The following XRCC5 variants were observed in gnomAD, a reference collection of about 807,000 sequenced individuals.
XRCC5 encodes DNA repair protein Ku80.
XRCC5 carries 12 observed loss-of-function variants against 95.7 expected under a neutral mutation model. That is an observed-to-expected ratio of 0.13 (90% confidence interval 0.08 to 0.20). The LOEUF (loss-of-function observed/expected upper bound fraction) is 0.20. Ranked by LOEUF, XRCC5 falls within the 10% of genes least tolerant of loss-of-function variation. XRCC5 has a pLI of 1.00. For synonymous variants in XRCC5, 281 were observed against 290.3 expected, an observed-to-expected ratio of 0.97 and a Z score of 0.33; for missense variants, 595 against 873.9, an observed-to-expected ratio of 0.68 and a Z score of 4.02.
At chr2:216,179,127 A>G (rs1288223165) in intron 16 of XRCC5, among the ~76,000 whole-genome samples, 4 of 152,186 alleles carry the variant, frequency 2.6e-5, no homozygotes, top group Non-Finnish European at 5.9e-5. Flanking sequence ...AAATCACAGG[A>G]CTGCTTCCTT....
intron 16 of XRCC5, among the ~76,000 whole-genome samples, chr2:216,184,099 A>G (rs963389408): frequency 6.7e-6 from 1 of 150,042 alleles, no homozygotes; most frequent in Admixed American, 6.6e-5. Context: ...TATTTAAGAT[A>G]CCTTCTTTTT....
At chr2:216,187,072 TCTGGGTAGAGGGACAGAATTTAGAA>T (rs1689506810) in intron 16 of XRCC5, among the ~76,000 whole-genome samples, 1 of 152,134 alleles carries the variant, frequency 6.6e-6, no homozygotes, top group South Asian at 2.1e-4. Flanking sequence ...ACAAAAGTAG[TCTGGGTAGAGGGACAGAATTTAGAA>T]TCATGGACCA....
intron 14 of XRCC5, 115 bp from the exon 15 acceptor site, chr2:216,159,953 C>A: frequency 1.7e-6 from 1 of 584,564 alleles, no homozygotes; most frequent in Non-Finnish European, 2.8e-6. Flanking sequence ...CATTATTTTT[C>A]TTTTCTTCTT....
intron 5 of XRCC5, among the ~76,000 whole-genome samples, chr2:216,120,462 A>T (rs974694378): frequency 8.5e-5 from 13 of 152,192 alleles, no homozygotes; most frequent in African/African-American, 3.1e-4. Flanking sequence ...CCTCCAGCAT[A>T]CAAAGTAGAG....
chr2:216,189,550 C>T (rs1689575434), intron 16 of XRCC5, among the ~76,000 whole-genome samples: 1 of 152,180 alleles, frequency 6.6e-6, no homozygotes, highest in South Asian at 2.1e-4. Flanking sequence ...TTTTCTCTTT[C>T]TGTAGCATTT....
At chr2:216,168,661 A>G (rs898672991) in intron 16 of XRCC5, among the ~76,000 whole-genome samples, 1 of 152,236 alleles carries the variant, frequency 6.6e-6, no homozygotes, top group Non-Finnish European at 1.5e-5. Context: ...TAGCATAAAA[A>G]TGAAAGCATG....
chr2:216,124,650 G>A (rs941261913), intron 6 of XRCC5, among the ~76,000 whole-genome samples: 1 of 152,162 alleles, frequency 6.6e-6, no homozygotes, highest in Non-Finnish European at 1.5e-5. Context: ...AATTATTTCT[G>A]AAAATTGGAG....
At position 216,119,263 on chromosome 2, in the gene XRCC5, G is replaced by A. The variant is rs1364311265; in HGVS notation, c.491+98G>A. 1.5e-5 allele frequency: 21 copies of A among 1,360,894 alleles called. No individual in the cohort carries two copies. The East Asian group carries it at 2.6e-4, about 17-fold the overall frequency. The allele number at this position is 1,360,894 out of a possible 1,614,324, so 84.3% of individuals were successfully genotyped here. A position where few individuals can be genotyped will look rare whatever the true frequency, so the allele number is the denominator to read the frequency against. On this transcript the variant is annotated intron_variant, in intron 5 of 20. Coordinates refer to ENST00000392132, the MANE Select transcript of XRCC5 (RefSeq NM_021141.4). The stretch of plus-strand genomic sequence containing the variant: ...GAGTACTTGGTTTATGGGAATTTTC[G>A]CTTTCTGCTCCAAGGCTGAATCTGT...
chr2:216,177,342 T>C (rs1318515458), intron 16 of XRCC5, among the ~76,000 whole-genome samples: 1 of 152,216 alleles, frequency 6.6e-6, no homozygotes, highest in East Asian at 1.9e-4. Flanking sequence ...CTCACCTAGC[T>C]AAACCAGCTT....
intron 16 of XRCC5, among the ~76,000 whole-genome samples, chr2:216,187,840 C>CTCTT: frequency 7.4e-6 from 1 of 135,886 alleles, no homozygotes; most frequent in Non-Finnish European, 1.6e-5. Flanking sequence ...CTCTCTCTCT[C>CTCTT]TCTCTCTCTC....
At chr2:216,188,468 A>G (rs1032138432) in intron 16 of XRCC5, among the ~76,000 whole-genome samples, 4 of 152,268 alleles carry the variant, frequency 2.6e-5, no homozygotes, top group African/African-American at 4.8e-5. Flanking sequence ...AGTATATACT[A>G]TCAAACAAAG....
intron 16 of XRCC5, among the ~76,000 whole-genome samples, chr2:216,169,618 A>G (rs207926): frequency 0.63 from 95,007 of 151,954 alleles, 30,817 homozygotes; most frequent in African/African-American, 0.79. Context: ...TTTAAGTTTA[A>G]GGGGTGCGAC....
intron 16 of XRCC5, among the ~76,000 whole-genome samples, chr2:216,187,785 T>TCACACACACACACA (rs1689523514): frequency 1.4e-5 from 1 of 70,176 alleles, no homozygotes; most frequent in Non-Finnish European, 2.5e-5. Context: ...CATGAACTCC[T>TCACACACACACACA]GACACACACA....
At chr2:216,180,166 T>A (rs938285280) in intron 16 of XRCC5, among the ~76,000 whole-genome samples, 1 of 152,140 alleles carries the variant, frequency 6.6e-6, no homozygotes, top group South Asian at 2.1e-4. Context: ...CATAGAGACT[T>A]TAAGACATGA....
intron 5 of XRCC5, among the ~76,000 whole-genome samples, chr2:216,119,520 T>C (rs1350945821): frequency 1.3e-5 from 2 of 152,220 alleles, no homozygotes; most frequent in South Asian, 4.1e-4. Context: ...AATTAGCAGA[T>C]TGATGGATTT....
Position 216,186,333 on chromosome 2 carries a change from G to C in XRCC5, c.1835-3892G>C, listed in dbSNP as rs1289234786. ...GTGTAGTCCATTTTATAGGACTTTG[G>C]GTGGTGTTGAATGTATTCAGTAGAG... On this transcript the variant is annotated intron_variant, in intron 16 of 20. Transcript: ENST00000392132. Among the ~76,000 whole-genome samples the C allele has an allele frequency of 2.6e-5, 4 of 152,178 alleles. No individual in the cohort carries two copies. In the East Asian group the frequency reaches 7.7e-4, roughly 29 times the overall value.
intron 14 of XRCC5, among the ~76,000 whole-genome samples, chr2:216,151,438 C>G (rs1035817661): frequency 1.3e-5 from 2 of 152,146 alleles, no homozygotes; most frequent in African/African-American, 4.8e-5. Flanking sequence ...CTTTTCAGGT[C>G]CACGAAGACT....
At chr2:216,196,493 C>T (rs1006811913) in intron 19 of XRCC5, among the ~76,000 whole-genome samples, 1 of 152,106 alleles carries the variant, frequency 6.6e-6, no homozygotes, top group Non-Finnish European at 1.5e-5. Context: ...ACCAAGAGAA[C>T]GTACATGTGT....
intron 3 of XRCC5, 22 bp from the exon 4 acceptor site, chr2:216,117,724 T>C: frequency 1.2e-6 from 2 of 1,613,492 alleles, no homozygotes; most frequent in South Asian, 1.1e-5. Context: ...TTTGGTGATA[T>C]CCCTATCCTT....
Sources: allele counts gnomAD v4.1 joint callset (sites outside exome capture counted in the v4.1 genomes callset), GRCh38; gene constraint gnomAD v4.1.1; transcripts MANE v1.5; gene names NCBI Gene and HGNC (gene_info 2026-07-23, HGNC 2026-07-21).